The following DAAM1 variants were observed in gnomAD, a reference collection of about 807,000 sequenced individuals.
DAAM1 encodes dishevelled associated activator of morphogenesis 1.
In DAAM1, 52 loss-of-function variants were observed where a neutral mutation model predicts 130.0. That is an observed-to-expected ratio of 0.40 (90% CI 0.32 to 0.50). DAAM1 has a LOEUF of 0.50. Among genes scored for constraint, DAAM1 ranks in the 20% least tolerant of loss-of-function variants. The pLI is 0.61. For missense variants in DAAM1, 1,134 were observed against 1,303.8 expected (o/e 0.87, Z 2.01); for synonymous variants, 452 against 444.5 (o/e 1.02, Z -0.21).
At chr14:59,253,344 G>C (rs918972449) in intron 1 of DAAM1, among the ~76,000 whole-genome samples, 1 of 152,208 alleles carries the variant, frequency 6.6e-6, no homozygotes, top group African/African-American at 2.4e-5. Flanking sequence ...AGGCATCTTC[G>C]TGAGAAAGTT....
intron 15 of DAAM1, among the ~76,000 whole-genome samples, chr14:59,333,659 A>G (rs1292826548): frequency 6.6e-6 from 1 of 152,196 alleles, no homozygotes; most frequent in Admixed American, 6.5e-5. Context: ...CTGGTTGCCT[A>G]ATATGAAGAT....
chr14:59,310,341 C>G (rs954460279), intron 3 of DAAM1, among the ~76,000 whole-genome samples: 31 of 151,906 alleles, frequency 2.0e-4, no homozygotes, highest in African/African-American at 7.5e-4. Flanking sequence ...CCATATTGGC[C>G]AGGCTGGTAT....
At position 59,347,527 on chromosome 14, in the gene DAAM1, T is replaced by A. The variant is rs1412298165; in HGVS notation, c.2076-12T>A. 2 of 1,611,448 alleles carry A rather than the reference T, an allele frequency of 1.2e-6. No individual in the cohort carries two copies. The highest frequency in any genetic ancestry group is 2.7e-5 in the African/African-American group (2 of 74,792). ...AACCAATATGGTTAATAACAAAATA[T>A]TCTTTCTCCAGGTTGAAATTATCCA... On this transcript the variant is annotated splice_polypyrimidine_tract_variant and intron_variant, in intron 16 of 24. Transcript: ENST00000360909.
intron 2 of DAAM1, among the ~76,000 whole-genome samples, chr14:59,272,589 CAAACAAAA>C (rs556142778): frequency 9.5e-4 from 114 of 119,678 alleles, no homozygotes; most frequent in African/African-American, 3.8e-3. Context: ...AACAAACAAA[CAAACAAAA>C]TATATATATA....
chr14:59,359,688 C>A (rs1886629595), intron 21 of DAAM1, among the ~76,000 whole-genome samples, 184 bp downstream of exon 21: 1 of 152,176 alleles, frequency 6.6e-6, no homozygotes, highest in South Asian at 2.1e-4. Flanking sequence ...TATGTTTGTT[C>A]TAGCTTCTTT....
chr14:59,257,066 A>G (rs1881926645), intron 1 of DAAM1, among the ~76,000 whole-genome samples: 1 of 152,186 alleles, frequency 6.6e-6, no homozygotes, highest in Non-Finnish European at 1.5e-5. Context: ...GAAAGCTGCA[A>G]ATATCCCAAG....
intron 2 of DAAM1, among the ~76,000 whole-genome samples, chr14:59,289,784 A>ATATATATATATATAC: frequency 3.1e-5 from 4 of 128,758 alleles, no homozygotes; most frequent in African/African-American, 1.1e-4. Flanking sequence ...ATATATATAT[A>ATATATATATATATAC]ATGGAATGCT....
intron 2 of DAAM1, among the ~76,000 whole-genome samples, chr14:59,288,914 TTTG>T (rs147737787): frequency 0.065 from 9,799 of 151,848 alleles, 410 homozygotes; most frequent in Non-Finnish European, 0.097. Flanking sequence ...TGTTTGTTTT[TTTG>T]TTGTTGTTTT....
At chr14:59,308,394 T>C (rs1884450340) in intron 3 of DAAM1, among the ~76,000 whole-genome samples, 1 of 152,184 alleles carries the variant, frequency 6.6e-6, no homozygotes, top group Admixed American at 6.5e-5. Context: ...TTTAAATATT[T>C]GCTGGGTCAT....
At chr14:59,275,570 A>G (rs1448310719) in intron 2 of DAAM1, among the ~76,000 whole-genome samples, 2 of 152,192 alleles carry the variant, frequency 1.3e-5, no homozygotes, top group Non-Finnish European at 2.9e-5. Context: ...AGATTACCGG[A>G]AAACTGTTGG....
intron 3 of DAAM1, among the ~76,000 whole-genome samples, chr14:59,294,864 G>A (rs1363720143): frequency 6.6e-6 from 1 of 152,140 alleles, no homozygotes; most frequent in Non-Finnish European, 1.5e-5. Flanking sequence ...TTAAATCCTG[G>A]GAACAGTAAG....
chr14:59,209,418 C>T (rs1888361608), intron 1 of DAAM1, among the ~76,000 whole-genome samples: 1 of 152,120 alleles, frequency 6.6e-6, no homozygotes, highest in Non-Finnish European at 1.5e-5. Context: ...GCGTAATTTT[C>T]GTTTTTCTAA....
chr14:59,370,994 C>T lies in DAAM1; in HGVS notation c.*2135C>T, dbSNP rs1442814941. On this transcript the variant is annotated 3_prime_UTR_variant, in exon 25 of 25. Transcript: ENST00000360909. Reference sequence around the variant, plus strand: ...CCCTCTTGCCCCTTTTAATCATCCTCCTTTGATATGGCCATCCTGGTGGGC... The same window carrying T: ...CCCTCTTGCCCCTTTTAATCATCCTTCTTTGATATGGCCATCCTGGTGGGC... The T allele has an allele frequency of 6.6e-6, 1 of 151,944 alleles. No individual in the cohort carries two copies. The highest frequency in any genetic ancestry group is 1.5e-5 in the Non-Finnish European group (1 of 67,970). The allele number at this position is 151,944 out of a possible 1,614,324, so 9.4% of individuals were successfully genotyped here. A position where few individuals can be genotyped will look rare whatever the true frequency, so the allele number is the denominator to read the frequency against.
At chr14:59,217,813 A>G (rs1383607737) in intron 1 of DAAM1, among the ~76,000 whole-genome samples, 1 of 152,088 alleles carries the variant, frequency 6.6e-6, no homozygotes, top group Non-Finnish European at 1.5e-5. Context: ...TGTACTAAAA[A>G]AAACCCAAAA....
In DAAM1 at chr14:59,360,082, C is replaced by T. The variant is rs1021671877; in HGVS notation, c.2633+578C>T. Among the ~76,000 whole-genome samples the T allele has an allele frequency of 7.9e-5, 12 of 152,214 alleles. No homozygotes were observed. In the East Asian group the frequency reaches 1.9e-3, roughly 24 times the overall value. ...ATTTGAAAAGTATAATGAGCAGGCT[C>T]ATTTTTTCCCTCTGTTCATGGAATC... On this transcript the variant is annotated intron_variant, in intron 21 of 24. Transcript: ENST00000360909.
chr14:59,209,962 A>G (rs988511132), intron 1 of DAAM1, among the ~76,000 whole-genome samples: 1 of 150,438 alleles, frequency 6.6e-6, no homozygotes, highest in Non-Finnish European at 1.5e-5. Context: ...TACAAAAATT[A>G]AAGAAAAAAA....
chr14:59,228,297 A>G (rs975049289), intron 1 of DAAM1, among the ~76,000 whole-genome samples: 2 of 152,194 alleles, frequency 1.3e-5, no homozygotes, highest in Admixed American at 6.5e-5. Flanking sequence ...ATGGTTTCCC[A>G]TGACATAAGT....
At chr14:59,306,576 G>T (rs1386104396) in intron 3 of DAAM1, among the ~76,000 whole-genome samples, 1 of 152,122 alleles carries the variant, frequency 6.6e-6, no homozygotes, top group Non-Finnish European at 1.5e-5. Flanking sequence ...AGATTTAGTA[G>T]ACTGTGTGTT....
At chr14:59,212,843 A>G (rs1449416597) in intron 1 of DAAM1, among the ~76,000 whole-genome samples, 1 of 152,208 alleles carries the variant, frequency 6.6e-6, no homozygotes, top group Non-Finnish European at 1.5e-5. Context: ...AATCTTTTAG[A>G]ATGTTCCTTT....
Sources: gnomAD v4.1 joint callset for allele counts (sites outside exome capture counted in the v4.1 genomes callset) on GRCh38, gnomAD v4.1.1 for gene constraint, MANE v1.5 for transcripts, NCBI Gene and HGNC (gene_info 2026-07-23, HGNC 2026-07-21) for gene names.